Variants in JAKMIP1 observed in about 807,000 individuals in gnomAD.
JAKMIP1 encodes the protein janus kinase and microtubule-interacting protein 1.
JAKMIP1 carries 33 observed loss-of-function variants against 113.0 expected under a neutral mutation model. The ratio of observed to expected loss-of-function variants is 0.29; its 90% CI spans 0.22 to 0.39. JAKMIP1 has a LOEUF of 0.39. JAKMIP1 is among the 10% of genes least tolerant of loss of function. JAKMIP1 has a pLI of 1.00. For synonymous variants in JAKMIP1, 480 were observed against 459.9 expected, an observed-to-expected ratio of 1.04 and a Z score of -0.56; for missense variants, 813 against 1,080.5, an observed-to-expected ratio of 0.75 and a Z score of 3.47.
rs1718209215 is a variant in JAKMIP1 at position 6,067,086 on chromosome 4, CCTT to C, written c.1303-2081_1303-2079del. Among the ~76,000 whole-genome samples the C allele has an allele frequency of 6.6e-6, 1 of 152,148 alleles. No homozygotes were observed. The highest frequency in any genetic ancestry group is 1.5e-5 in the Non-Finnish European group (1 of 68,012). ...ACCCCCGCCCCAGCCTCTGGGGCCT[CCTT>C]CTTTATTCCTTTCCATAGCACATCT... On this transcript the variant is annotated intron_variant, in intron 8 of 20. Coordinates refer to ENST00000409021, the MANE Select transcript of JAKMIP1 (RefSeq NM_001099433.2). The surrounding 1 kb of genome is among the most constrained non-coding windows in gnomAD (Gnocchi z 4.6).
At chr4:6,107,109 C>T (rs756871344) in intron 2 of JAKMIP1, among the ~76,000 whole-genome samples, 2 of 152,200 alleles carry the variant, frequency 1.3e-5, no homozygotes, top group African/African-American at 4.8e-5. Flanking sequence ...TGAAGCCAGG[C>T]GACCAGTCCA....
rs1348669397 is a variant in JAKMIP1, at chr4:6,183,821, T to C, written c.-148+16432A>G. On this transcript the variant is annotated intron_variant, in intron 1 of 20. Coordinates refer to ENST00000409021, the MANE Select transcript of JAKMIP1 (RefSeq NM_001099433.2). The surrounding 1 kb of genome is among the most constrained non-coding windows in gnomAD (Gnocchi z 5.3). ...TTGGGGGACAGCCTCTCCTGTCATC[T>C]CCAGTGAAATGCACTCTGAGAATGC... 6.6e-6 allele frequency among the ~76,000 whole-genome samples: 1 copy of C among 152,144 alleles called. No individual in the cohort carries two copies. The highest frequency in any genetic ancestry group is 2.4e-5 in the African/African-American group (1 of 41,416).
chr4:6,105,636 T>A lies in JAKMIP1; in HGVS notation c.461A>T (p.Glu154Val), dbSNP rs1346761671. 6.3e-7 allele frequency: 1 copy of A among 1,595,228 alleles called. No individual in the cohort carries two copies. Among genetic ancestry groups the A allele is most frequent in the Admixed American group, 1.7e-5 (1 of 57,202 alleles). Residue 154 changes from glutamate (E) to valine (V), a missense_variant, in exon 3 of 21, where the codon GAG (glutamate) becomes GTG (valine). Glu to Val is a moderately radical substitution (Grantham distance 121, BLOSUM62 -2). Transcript: ENST00000409021. ...FDGERLRLQQ[E>V]ILELKAARKQ... The stretch of plus-strand genomic sequence containing the variant: ...GCGCGCTGCCTTGAGCTCCAGGATC[T>A]CCTGCTGCAGCCGCAGGCGCTCTCC...
intron 20 of JAKMIP1, among the ~76,000 whole-genome samples, chr4:6,027,877 T>G (rs970025682): frequency 4.6e-5 from 7 of 152,240 alleles, no homozygotes; most frequent in African/African-American, 1.7e-4. Flanking sequence ...GCCTTTCTTT[T>G]ATCATATCTG....
chr4:6,070,507 C>T (rs756515700), intron 8 of JAKMIP1, among the ~76,000 whole-genome samples: 5 of 152,364 alleles, frequency 3.3e-5, no homozygotes, highest in Admixed American at 6.5e-5. Flanking sequence ...GGACAGCCTC[C>T]GAACCAGTTT....
At chr4:6,068,701 G>A (rs981915125) in intron 8 of JAKMIP1, among the ~76,000 whole-genome samples, 3 of 151,890 alleles carry the variant, frequency 2.0e-5, no homozygotes, top group African/African-American at 4.8e-5. Context: ...GGGATTACAG[G>A]TGCGTGCCAC....
chr4:6,114,689 C>T (rs140322607), intron 1 of JAKMIP1, among the ~76,000 whole-genome samples: 148 of 152,356 alleles, frequency 9.7e-4, no homozygotes, highest in Middle Eastern at 3.4e-3. Flanking sequence ...CACCGCTGAT[C>T]GATTCCAGAA....
intron 8 of JAKMIP1, among the ~76,000 whole-genome samples, chr4:6,074,725 T>C (rs1213847153): frequency 6.6e-6 from 1 of 152,242 alleles, no homozygotes; most frequent in Non-Finnish European, 1.5e-5. Flanking sequence ...AACCCAGTTA[T>C]GTGCAGCATA....
At chr4:6,148,267 A>G (rs1721104966) in intron 1 of JAKMIP1, among the ~76,000 whole-genome samples, 1 of 152,256 alleles carries the variant, frequency 6.6e-6, no homozygotes, top group Non-Finnish European at 1.5e-5. Context: ...GAGCAGGGCA[A>G]CTGCATTTCC....
rs574283256 is a variant in JAKMIP1 at position 6,153,097 on chromosome 4, A to G, written c.-147-40100T>C. On this transcript the variant is annotated intron_variant, in intron 1 of 20. Coordinates refer to ENST00000409021, the MANE Select transcript of JAKMIP1 (RefSeq NM_001099433.2). This position sits in a 1 kb window ranked among gnomAD's most constrained non-coding sequence, Gnocchi z 4.9. Reference sequence around the variant, plus strand: ...CCACCCATGCACATCCCCCTCCCCTACCTGCCTGAAGACTACACAGGCAGA... The same window carrying G: ...CCACCCATGCACATCCCCCTCCCCTGCCTGCCTGAAGACTACACAGGCAGA... 6.6e-6 allele frequency among the ~76,000 whole-genome samples: 1 copy of G among 151,824 alleles called. No individual in the cohort carries two copies. Among genetic ancestry groups the G allele is most frequent in the Non-Finnish European group, 1.5e-5 (1 of 67,936 alleles).
chr4:6,078,383 G>A (rs1719992192), intron 8 of JAKMIP1, among the ~76,000 whole-genome samples: 1 of 148,122 alleles, frequency 6.8e-6, no homozygotes, highest in Non-Finnish European at 1.5e-5. Context: ...TAGGTTTACA[G>A]GTTTAAAGGC....
rs572446829 is a variant in JAKMIP1, at chr4:6,109,494, T to C, written c.129+3228A>G. On this transcript the variant is annotated intron_variant, in intron 2 of 20. Coordinates refer to ENST00000409021, the MANE Select transcript of JAKMIP1 (RefSeq NM_001099433.2). ...CACAAAACCCCCACAAAACTGCCCCTGTGAAGCCTTGGGTTCTGCTTGTCC... is the reference window on the plus strand; with the variant it reads ...CACAAAACCCCCACAAAACTGCCCCCGTGAAGCCTTGGGTTCTGCTTGTCC... 2.0e-5 allele frequency among the ~76,000 whole-genome samples: 3 copies of C among 151,966 alleles called. No individual in the cohort carries two copies. In the South Asian group the frequency reaches 6.2e-4, roughly 32 times the overall value.
chr4:6,137,478 G>A lies in JAKMIP1; in HGVS notation c.-147-24481C>T, dbSNP rs147568307. Among the ~76,000 whole-genome samples the A allele has an allele frequency of 5.9e-3, 894 of 152,346 alleles. 5 individuals carry two copies. The highest frequency in any genetic ancestry group is 9.7e-3 in the Non-Finnish European group (663 of 68,026). On this transcript the variant is annotated intron_variant, in intron 1 of 20. Coordinates refer to ENST00000409021, the MANE Select transcript of JAKMIP1 (RefSeq NM_001099433.2). This position sits in a 1 kb window ranked among gnomAD's most constrained non-coding sequence, Gnocchi z 4.5. ...AAGTCGTCTCACACCCTGGGTGACA[G>A]CAGACGTGCTAAGTAGGAACCCCCT...
intron 8 of JAKMIP1, among the ~76,000 whole-genome samples, chr4:6,077,450 C>T (rs1479197136): frequency 1.3e-5 from 2 of 150,736 alleles, no homozygotes; most frequent in African/African-American, 4.9e-5. Context: ...GCATTCTGGC[C>T]TCTAGAACTG....
chr4:6,143,556 T>C lies in JAKMIP1; in HGVS notation c.-147-30559A>G, dbSNP rs1213415714. On this transcript the variant is annotated intron_variant, in intron 1 of 20. Transcript: ENST00000409021. The surrounding 1 kb of genome is among the most constrained non-coding windows in gnomAD (Gnocchi z 4.9). ...CTCTTTCAGTTATGCCTCCAGCCCC[T>C]GGATAATATTTTTAAACTTTTCAGT... is the stretch of plus-strand genomic sequence containing the variant. Among the ~76,000 whole-genome samples the C allele has an allele frequency of 6.6e-6, 1 of 152,180 alleles. No individual in the cohort carries two copies. The highest frequency in any genetic ancestry group is 2.4e-5 in the African/African-American group (1 of 41,452).
chr4:6,051,821 T>C lies in JAKMIP1; in HGVS notation c.1807-1142A>G, dbSNP rs1715695319. Among the ~76,000 whole-genome samples the C allele has an allele frequency of 2.0e-5, 3 of 152,244 alleles. No homozygotes were observed. In the South Asian group the frequency reaches 6.2e-4, roughly 32 times the overall value. On this transcript the variant is annotated intron_variant, in intron 13 of 20. Coordinates refer to ENST00000409021, the MANE Select transcript of JAKMIP1 (RefSeq NM_001099433.2). This position sits in a 1 kb window ranked among gnomAD's most constrained non-coding sequence, Gnocchi z 5.0. ...GGACTCAGGTCTCAGATGTGTTTCC[T>C]GCACAGAATGGACTTTAAACACTTT...
At chr4:6,029,293 C>T (rs1423617019) in intron 20 of JAKMIP1, among the ~76,000 whole-genome samples, 1 of 152,208 alleles carries the variant, frequency 6.6e-6, no homozygotes, top group African/African-American at 2.4e-5. Context: ...GAGGCTGCGT[C>T]TTCCAGGAAC....
Position 6,081,894 on chromosome 4 carries a change from G to T in JAKMIP1, c.955-139C>A. ...TCCTGGATGACACATTTGTTTGCTA[G>T]TTGCATGACAATGGGCAAGTTCTCA... On this transcript the variant is annotated intron_variant, in intron 5 of 20. Transcript: ENST00000409021. This position sits in a 1 kb window ranked among gnomAD's most constrained non-coding sequence, Gnocchi z 4.6. The T allele has an allele frequency of 1.1e-6, 1 of 927,820 alleles. No homozygotes were observed. The highest frequency in any genetic ancestry group is 1.6e-6 in the Non-Finnish European group (1 of 621,208). 57.5% of individuals were successfully genotyped at this position (927,820 alleles called of 1,614,324 possible).
At chr4:6,113,021 T>G in intron 1 of JAKMIP1, 24 bp from the exon 2 acceptor site, 2 of 1,057,702 alleles carry the variant, frequency 1.9e-6, no homozygotes, top group Non-Finnish European at 2.6e-6. Flanking sequence ...GGAAACTGAG[T>G]TAGCAGAGAC....
Sources: allele counts gnomAD v4.1 joint callset (sites outside exome capture counted in the v4.1 genomes callset), GRCh38; gene constraint gnomAD v4.1.1; non-coding constraint Gnocchi (gnomAD v3.1); transcripts MANE v1.5; gene names NCBI Gene and HGNC (gene_info 2026-07-23, HGNC 2026-07-21).